Variants in SAMD5 observed in about 807,000 individuals in gnomAD.
SAMD5 encodes sterile alpha motif domain-containing protein 5.
Under a neutral mutation model 11.3 loss-of-function variants are expected in SAMD5, and 13 were observed. That is an observed-to-expected ratio of 1.15 (90% CI 0.75 to 1.83). SAMD5 has a LOEUF of 1.83. Ranked by LOEUF, SAMD5 falls within the 40% of genes most tolerant of loss-of-function variation. SAMD5 has a pLI of 0.00. For missense variants in SAMD5, 255 were observed against 239.1 expected (o/e 1.07, Z -0.44); for synonymous variants, 129 against 111.3 (o/e 1.16, Z -1.00).
At chr6:147,605,932 C>A (rs1789693224) in intron 1 of SAMD5, among the ~76,000 whole-genome samples, 1 of 151,888 alleles carries the variant, frequency 6.6e-6, no homozygotes, top group South Asian at 2.1e-4. Flanking sequence ...ACAGAGAAGA[C>A]TCTAGTGGGC....
chr6:147,904,568 CT>C, the SAMD5 span, among the ~76,000 whole-genome samples: 1 of 152,208 alleles, frequency 6.6e-6, no homozygotes, highest in East Asian at 1.9e-4. Context: ...CCCTCATACA[CT>C]TATACTCATG....
In SAMD5 at chr6:147,691,968, G is replaced by A. The variant is rs570174179; in HGVS notation, c.163-45349G>A. ...ATTGGCCTTCAGCTATAAGTAGGATGTATGTGACACACACACACACACACA... is the reference window on the plus strand; with the variant it reads ...ATTGGCCTTCAGCTATAAGTAGGATATATGTGACACACACACACACACACA... On this transcript the variant is annotated intron_variant, in intron 1 of 1. Transcript: ENST00000566741. 3.9e-5 allele frequency among the ~76,000 whole-genome samples: 4 copies of A among 101,582 alleles called. No homozygotes were observed. In the South Asian group the frequency reaches 1.4e-3, roughly 34 times the overall value. The allele number at this position is 101,582 out of a possible 152,430, so 66.6% of individuals were successfully genotyped here.
chr6:147,579,238 C>T (rs1319044828), intron 1 of SAMD5, among the ~76,000 whole-genome samples: 2 of 152,126 alleles, frequency 1.3e-5, no homozygotes, highest in African/African-American at 2.4e-5. Flanking sequence ...CAAATAAATT[C>T]CTGATACATG....
chr6:147,551,812 T>TTATA (rs10691979), intron 1 of SAMD5, among the ~76,000 whole-genome samples: 2,228 of 99,342 alleles, frequency 0.022, 35 homozygotes, highest in East Asian at 0.056. Context: ...TATATATATG[T>TTATA]TATATATATA....
At chr6:147,649,964 G>A (rs1790459512) in intron 1 of SAMD5, among the ~76,000 whole-genome samples, 1 of 152,114 alleles carries the variant, frequency 6.6e-6, no homozygotes, top group Admixed American at 6.6e-5. Context: ...TACCTTATAT[G>A]TTGACTTACA....
chr6:147,573,046 G>A (rs2128445520), downstream of SAMD5, among the ~76,000 whole-genome samples: 1 of 152,328 alleles, frequency 6.6e-6, no homozygotes, highest in African/African-American at 2.4e-5. Context: ...CTTGCCTTAA[G>A]AATGAGCTTG....
chr6:147,909,596 CTT>C, the SAMD5 span, among the ~76,000 whole-genome samples: 2 of 60,148 alleles, frequency 3.3e-5, no homozygotes, highest in African/African-American at 1.8e-4. Context: ...TTCTTTCTTT[CTT>C]TCTTTCTTTC....
intron 1 of SAMD5, among the ~76,000 whole-genome samples, chr6:147,679,335 A>G (rs929547472): frequency 3.3e-5 from 5 of 152,080 alleles, no homozygotes; most frequent in Non-Finnish European, 5.9e-5. Context: ...AGACTTTTTC[A>G]TTTTAGAAAC....
intron 1 of SAMD5, among the ~76,000 whole-genome samples, chr6:147,668,359 A>G (rs1344856979): frequency 6.6e-6 from 1 of 152,216 alleles, no homozygotes; most frequent in East Asian, 1.9e-4. Flanking sequence ...CATTGATTTC[A>G]TGGCTACATA....
At chr6:147,582,562 G>A (rs949801958) in intron 1 of SAMD5, among the ~76,000 whole-genome samples, 2 of 152,188 alleles carry the variant, frequency 1.3e-5, no homozygotes, top group African/African-American at 4.8e-5. Context: ...TCGGCATGGG[G>A]CTTTAGGAAA....
chr6:147,668,560 T>C (rs1244342238), intron 1 of SAMD5, among the ~76,000 whole-genome samples: 1 of 152,154 alleles, frequency 6.6e-6, no homozygotes, highest in East Asian at 1.9e-4. Flanking sequence ...AAAGTTATGT[T>C]TGGCTGGGCG....
rs1172694444 is a variant in SAMD5 at position 147,640,497 on chromosome 6, C to CAAAAAAA, written c.163-96801_163-96795dup. The stretch of plus-strand genomic sequence containing the variant: ...GGGTGACAAGAGCAAGACTCTGTCG[C>CAAAAAAA]AAAAAAAAAAAAAAAAAAAAAAAAA... On this transcript the variant is annotated intron_variant, in intron 1 of 1. Coordinates refer to the SAMD5 transcript ENST00000566741. 2.9e-3 allele frequency among the ~76,000 whole-genome samples: 71 copies of CAAAAAAA among 24,180 alleles called. 1 individual carries two copies. Among genetic ancestry groups the CAAAAAAA allele is most frequent in the East Asian group, 0.023 (12 of 530 alleles). The allele number at this position is 24,180 out of a possible 152,430, so 15.9% of individuals were successfully genotyped here.
At chr6:147,548,124 C>CA (rs1788714292) in intron 1 of SAMD5, among the ~76,000 whole-genome samples, 1 of 151,700 alleles carries the variant, frequency 6.6e-6, no homozygotes, top group Admixed American at 6.6e-5. Context: ...TAATAATAGC[C>CA]AATTAAGAGA....
chr6:147,824,537 A>G, the SAMD5 span, among the ~76,000 whole-genome samples: 1 of 152,204 alleles, frequency 6.6e-6, no homozygotes, highest in Non-Finnish European at 1.5e-5. Flanking sequence ...CAGCTCTCCC[A>G]GTGCATTTAA....
intron 1 of SAMD5, among the ~76,000 whole-genome samples, chr6:147,511,030 G>A (rs948178988): frequency 1.3e-5 from 2 of 152,198 alleles, no homozygotes; most frequent in African/African-American, 4.8e-5. Flanking sequence ...GGGAAGTAAG[G>A]TGGGCTTAGT....
At chr6:147,874,231 T>G in the SAMD5 span, among the ~76,000 whole-genome samples, 2 of 152,332 alleles carry the variant, frequency 1.3e-5, no homozygotes, top group East Asian at 3.9e-4. Flanking sequence ...ATATTACATA[T>G]CTGACTCTTA....
the SAMD5 span, among the ~76,000 whole-genome samples, chr6:147,783,508 C>G: frequency 6.6e-6 from 1 of 151,990 alleles, no homozygotes; most frequent in Non-Finnish European, 1.5e-5. Flanking sequence ...ATTCTCCTGT[C>G]TTAGCCTTCC....
chr6:147,805,913 A>T, the SAMD5 span, among the ~76,000 whole-genome samples: 2 of 152,168 alleles, frequency 1.3e-5, no homozygotes, highest in Non-Finnish European at 2.9e-5. Flanking sequence ...GAAATTTGCA[A>T]GGAAAATAAT....
intron 1 of SAMD5, among the ~76,000 whole-genome samples, chr6:147,512,749 C>G (rs796500030): frequency 2.0e-5 from 3 of 151,986 alleles, no homozygotes; most frequent in African/African-American, 7.2e-5. Context: ...CTATGCCAGG[C>G]CTTCTGTTGG....
Sources: allele counts gnomAD v4.1 joint callset (sites outside exome capture counted in the v4.1 genomes callset), GRCh38; gene constraint gnomAD v4.1.1; transcripts MANE v1.5; gene names NCBI Gene and HGNC (gene_info 2026-07-23, HGNC 2026-07-21).